The following CDH23 variants were observed in gnomAD, a reference collection of about 807,000 sequenced individuals.
CDH23 encodes the protein cadherin related 23.
In CDH23, 189 loss-of-function variants were observed where a neutral mutation model predicts 317.1. The ratio of observed to expected loss-of-function variants is 0.60; its 90% confidence interval spans 0.53 to 0.67. CDH23 has a LOEUF of 0.67. Ranked by LOEUF, CDH23 falls within the 30% of genes least tolerant of loss-of-function variation. The pLI, the probability that CDH23 is intolerant of heterozygous loss-of-function variation, is 0.00. For synonymous variants in CDH23, 1,839 were observed against 1,876.8 expected, an observed-to-expected ratio of 0.98 and a Z score of 0.52; for missense variants, 4,401 against 4,592.4, an observed-to-expected ratio of 0.96 and a Z score of 1.20.
At chr10:71,687,576 C>T in intron 18 of CDH23, 71 bp from the exon 19 acceptor site, 1 of 1,394,802 alleles carries the variant, frequency 7.2e-7, no homozygotes, top group African/African-American at 1.4e-5. Context: ...CTCCTTGGTG[C>T]CCACCTTAGA....
chr10:71,676,455 C>A (rs1703926761), intron 15 of CDH23, among the ~76,000 whole-genome samples: 1 of 151,604 alleles, frequency 6.6e-6, no homozygotes, highest in African/African-American at 2.4e-5. Flanking sequence ...GGTGAAACCC[C>A]ATCTCTACTA....
At chr10:71,760,654 G>A in intron 38 of CDH23, 1 of 562,576 alleles carries the variant, frequency 1.8e-6, no homozygotes, top group South Asian at 2.1e-5. Flanking sequence ...GAGTCAAGAG[G>A]AGCAGAGACT....
chr10:71,497,739 T>C (rs1330361005), intron 3 of CDH23, among the ~76,000 whole-genome samples: 1 of 152,146 alleles, frequency 6.6e-6, no homozygotes, highest in Non-Finnish European at 1.5e-5. Context: ...AAGAACAGCG[T>C]ATGGGGAGTC....
chr10:71,514,921 C>T (rs1006769327), intron 6 of CDH23, among the ~76,000 whole-genome samples: 3 of 152,222 alleles, frequency 2.0e-5, no homozygotes, highest in Non-Finnish European at 4.4e-5. Context: ...TTTGCTCAAA[C>T]GTGTTTGCCT....
At chr10:71,774,251 C>G (rs1840766179) in intron 38 of CDH23, among the ~76,000 whole-genome samples, 1 of 143,142 alleles carries the variant, frequency 7.0e-6, no homozygotes, top group Non-Finnish European at 1.5e-5. Flanking sequence ...CCCTCCCTCC[C>G]TGGTGCCTGG....
intron 3 of CDH23, among the ~76,000 whole-genome samples, chr10:71,481,547 C>T (rs1019419460): frequency 1.3e-5 from 2 of 152,162 alleles, no homozygotes; most frequent in East Asian, 3.9e-4. Flanking sequence ...TTAGGCTAGG[C>T]TCACCTTCCA....
At chr10:71,780,728 G>A (rs1489726261) in intron 41 of CDH23, among the ~76,000 whole-genome samples, 1 of 152,188 alleles carries the variant, frequency 6.6e-6, no homozygotes, top group Non-Finnish European at 1.5e-5. Flanking sequence ...GTTTCAGCAG[G>A]ACCACTCTGG....
At chr10:71,718,038 G>T (rs1334982666) in intron 28 of CDH23, 2 of 152,168 alleles carry the variant, frequency 1.3e-5, no homozygotes, top group Non-Finnish European at 2.9e-5. Context: ...AATCCCAGGG[G>T]GTCTGATAAA....
intron 6 of CDH23, among the ~76,000 whole-genome samples, chr10:71,518,045 C>T (rs1427514743): frequency 6.6e-6 from 1 of 151,806 alleles, no homozygotes; most frequent in Admixed American, 6.5e-5. Flanking sequence ...GGGCTTTCTA[C>T]ACAGTCCTGA....
At position 71,667,158 on chromosome 10, in the gene CDH23, G is replaced by A. The variant is rs1311539627; in HGVS notation, c.1450-7954G>A. ...TGCCTTGCTTCAGAGCAGAAGCCCC[G>A]TGCGGGGCATTCCTGTGAGTGTGCG... On this transcript the variant is annotated intron_variant, in intron 14 of 69. Transcript: ENST00000224721. 6.6e-5 allele frequency among the ~76,000 whole-genome samples: 10 copies of A among 152,230 alleles called. No homozygotes were observed. In the East Asian group the frequency reaches 1.7e-3, roughly 26 times the overall value.
Position 71,705,173 on chromosome 10 carries a change from G to A in CDH23, c.2953+43G>A, listed in dbSNP as rs1225894472. ...CTTCTGCTGTGTGCTCAGTGTGTGG[G>A]CACAGGCCTGGGTCAGGGGCAGGGG... On this transcript the variant is annotated intron_variant, in intron 25 of 69. Transcript: ENST00000224721. 1.9e-6 allele frequency: 3 copies of A among 1,555,172 alleles called. No individual in the cohort carries two copies. In the African/African-American group the frequency reaches 4.1e-5, roughly 21 times the overall value.
chr10:71,707,511 T>C (rs1865837004), intron 26 of CDH23: 1 of 1,060,778 alleles, frequency 9.4e-7, no homozygotes, highest in Non-Finnish European at 1.1e-6. Flanking sequence ...AGCTCAAAAA[T>C]GTTGCCTGGC....
intron 12 of CDH23, 83 bp from the exon 13 acceptor site, chr10:71,645,748 C>T (rs1179174689): frequency 2.0e-6 from 3 of 1,488,482 alleles, no homozygotes; most frequent in Non-Finnish European, 2.8e-6. Context: ...GCTCACTCTC[C>T]AGGAGCCTCT....
intron 14 of CDH23, among the ~76,000 whole-genome samples, chr10:71,661,704 C>T (rs1273070971): frequency 7.1e-6 from 1 of 140,694 alleles, no homozygotes; most frequent in South Asian, 2.3e-4. Flanking sequence ...GTGCTCCTAG[C>T]GTACCCCTCC....
intron 9 of CDH23, among the ~76,000 whole-genome samples, chr10:71,580,255 T>C (rs1166240873): frequency 3.3e-5 from 5 of 152,224 alleles, no homozygotes; most frequent in Admixed American, 3.3e-4. Flanking sequence ...ACTCTGGAGC[T>C]TGGAGTCCGG....
intron 1 of CDH23, among the ~76,000 whole-genome samples, chr10:71,407,277 G>A (rs112395966): frequency 2.6e-5 from 4 of 152,312 alleles, no homozygotes; most frequent in African/African-American, 7.2e-5. Flanking sequence ...CTGGGGCTGG[G>A]TTCTGGGACA....
chr10:71,447,589 C>G (rs962987299), intron 3 of CDH23, among the ~76,000 whole-genome samples: 1 of 152,078 alleles, frequency 6.6e-6, no homozygotes, highest in African/African-American at 2.4e-5. Flanking sequence ...ACGGCTACTC[C>G]TTTGGTGATA....
chr10:71,451,312 C>T (rs1033368245), intron 3 of CDH23, among the ~76,000 whole-genome samples: 1 of 152,224 alleles, frequency 6.6e-6, no homozygotes, highest in African/African-American at 2.4e-5. Flanking sequence ...TGGCCCTGCC[C>T]AGCCTGAGGC....
intron 14 of CDH23, among the ~76,000 whole-genome samples, chr10:71,664,762 A>G (rs898417370): frequency 2.6e-5 from 4 of 152,114 alleles, no homozygotes; most frequent in African/African-American, 9.7e-5. Context: ...TGAGGCTCAG[A>G]GCAGATATTA....
Sources: allele counts gnomAD v4.1 joint callset (sites outside exome capture counted in the v4.1 genomes callset), GRCh38; gene constraint gnomAD v4.1.1; transcripts MANE v1.5; gene names NCBI Gene and HGNC (gene_info 2026-07-23, HGNC 2026-07-21).